GPC5: variants seen among roughly 807,000 people sequenced by gnomAD.
The protein encoded by GPC5 is glypican 5.
A neutral mutation model predicts 53.9 loss-of-function variants in GPC5; 47 were observed. That is an observed-to-expected ratio of 0.87 (90% CI 0.69 to 1.11). The LOEUF (loss-of-function observed/expected upper bound fraction) is 1.11, where lower values mean the gene tolerates loss of function less well. GPC5 is among the 50% of genes most tolerant of loss of function. The probability of loss-of-function intolerance (pLI) is 0.00; values close to 1 mark genes in which losing one functional copy is unlikely to be tolerated. For missense variants in GPC5, 748 were observed against 713.1 expected (o/e 1.05, Z -0.56); for synonymous variants, 286 against 263.3 (o/e 1.09, Z -0.84).
intron 7 of GPC5, among the ~76,000 whole-genome samples, chr13:92,640,151 T>C (rs1208419922): frequency 1.5e-4 from 22 of 146,816 alleles, no homozygotes; most frequent in Admixed American, 1.5e-3. Flanking sequence ...CACGTGTGTA[T>C]GTATGTGTAT....
At chr13:92,155,000 G>A (rs1384519555) in intron 7 of GPC5, among the ~76,000 whole-genome samples, 6 of 152,038 alleles carry the variant, frequency 3.9e-5, no homozygotes, top group African/African-American at 9.7e-5. Context: ...CCCATTCTAT[G>A]GTTATACTAG....
intron 7 of GPC5, among the ~76,000 whole-genome samples, chr13:92,705,782 A>T (rs1306548349): frequency 6.6e-6 from 1 of 152,098 alleles, no homozygotes; most frequent in Non-Finnish European, 1.5e-5. Context: ...GTGAGTTTGC[A>T]AGCTTTTAAA....
chr13:92,383,512 A>G (rs9301799), intron 7 of GPC5, among the ~76,000 whole-genome samples: 94,647 of 152,074 alleles, frequency 0.62, 29,887 homozygotes, highest in African/African-American at 0.71. Context: ...ACTAAAACAT[A>G]TTACGCTATG....
intron 5 of GPC5, among the ~76,000 whole-genome samples, chr13:91,872,153 A>G (rs1016115436): frequency 6.6e-6 from 1 of 152,170 alleles, no homozygotes; most frequent in African/African-American, 2.4e-5. Context: ...CCTCTTTTCC[A>G]GCTGTAAATG....
chr13:91,665,835 T>C (rs1465791115), intron 2 of GPC5, among the ~76,000 whole-genome samples: 2 of 152,136 alleles, frequency 1.3e-5, no homozygotes, highest in South Asian at 2.1e-4. Flanking sequence ...AGGTGTTAGA[T>C]ACCCACCCTT....
chr13:92,225,639 C>A (rs1408266414), intron 7 of GPC5, among the ~76,000 whole-genome samples: 2 of 152,072 alleles, frequency 1.3e-5, no homozygotes, highest in African/African-American at 4.8e-5. Context: ...TAAAAGGGAG[C>A]AAAGCTTACT....
intron 7 of GPC5, among the ~76,000 whole-genome samples, chr13:92,715,652 C>T (rs1393886866): frequency 6.6e-6 from 1 of 152,158 alleles, no homozygotes; most frequent in Non-Finnish European, 1.5e-5. Flanking sequence ...TAAATTTTCT[C>T]AACTCTGGAG....
chr13:91,410,339 C>CTTTTTTTTTTTTTTTTTTTTTTTTTT (rs66787310), intron 1 of GPC5, among the ~76,000 whole-genome samples: 2 of 89,838 alleles, frequency 2.2e-5, no homozygotes, highest in Non-Finnish European at 4.2e-5. Context: ...CGTTTCCATT[C>CTTTTTTTTTTTTTTTTTTTTTTTTTT]TTTTTTTTTT....
At position 92,206,183 on chromosome 13, in the gene GPC5, T is replaced by G. The variant is rs1474695096; in HGVS notation, c.1561+61194T>G. On this transcript the variant is annotated intron_variant, in intron 7 of 7. Coordinates refer to ENST00000377067, the MANE Select transcript of GPC5 (RefSeq NM_004466.6). Reference sequence around the variant, plus strand: ...TTTTTTTTTATTTTTTTTTTTTTTTTGAGACAGAGTCTCGGTCTGTCGCCC... The same window carrying G: ...TTTTTTTTTATTTTTTTTTTTTTTTGGAGACAGAGTCTCGGTCTGTCGCCC... 3.0e-5 allele frequency among the ~76,000 whole-genome samples: 4 copies of G among 135,380 alleles called. No homozygotes were observed. The South Asian group carries it at 9.6e-4, about 32-fold the overall frequency. 88.8% of individuals were successfully genotyped at this position (135,380 alleles called of 152,430 possible). A position where few individuals can be genotyped will look rare whatever the true frequency, so the allele number is the denominator to read the frequency against.
At chr13:91,700,894 A>T (rs1179921702) in intron 3 of GPC5, among the ~76,000 whole-genome samples, 2 of 152,320 alleles carry the variant, frequency 1.3e-5, no homozygotes, top group East Asian at 3.9e-4. Context: ...AATAATGCCT[A>T]GTGATTCTTT....
intron 7 of GPC5, among the ~76,000 whole-genome samples, chr13:92,260,706 T>A (rs948725657): frequency 6.6e-6 from 1 of 152,162 alleles, no homozygotes; most frequent in Non-Finnish European, 1.5e-5. Flanking sequence ...ATGGTTTTAG[T>A]CCCTTTCCTC....
intron 6 of GPC5, among the ~76,000 whole-genome samples, chr13:92,098,958 CTTTT>C (rs10633643): frequency 7.0e-6 from 1 of 143,144 alleles, no homozygotes; most frequent in East Asian, 2.0e-4. Context: ...TTGTTCTTGC[CTTTT>C]TTTTTTTTTG....
rs75015572 is a variant in GPC5 at position 92,230,706 on chromosome 13, A to C, written c.1561+85717A>C. ...ACAAATAATCAGAAATAGATTTAAA[A>C]ATTTACATAAATATATACTGCCAAT... On this transcript the variant is annotated intron_variant, in intron 7 of 7. Transcript: ENST00000377067. 8.3e-3 allele frequency among the ~76,000 whole-genome samples: 1,269 copies of C among 152,236 alleles called. 56 individuals carry two copies. Among genetic ancestry groups the C allele is most frequent in the Admixed American group, 0.06 (921 of 15,286 alleles).
chr13:92,372,156 G>A (rs1926604), intron 7 of GPC5, among the ~76,000 whole-genome samples: 80,876 of 151,956 alleles, frequency 0.53, 21,724 homozygotes, highest in East Asian at 0.6. Context: ...ACTCTAGGCA[G>A]AGCACCTAGC....
chr13:92,560,224 C>A, intron 7 of GPC5, among the ~76,000 whole-genome samples: 1 of 151,928 alleles, frequency 6.6e-6, no homozygotes, highest in Non-Finnish European at 1.5e-5. Flanking sequence ...ACTTTGATTA[C>A]AAAATAGTGA....
intron 5 of GPC5, among the ~76,000 whole-genome samples, chr13:91,773,109 T>TA (rs758026106): frequency 6.6e-6 from 1 of 152,144 alleles, no homozygotes. Flanking sequence ...ACCTTCTACA[T>TA]AATGAATTTT....
At chr13:91,853,534 A>T (rs1878397335) in intron 5 of GPC5, among the ~76,000 whole-genome samples, 1 of 152,008 alleles carries the variant, frequency 6.6e-6, no homozygotes, top group African/African-American at 2.4e-5. Flanking sequence ...CAGCTAAAGA[A>T]TTAACAGAGG....
chr13:91,405,724 C>T (rs1208063310), intron 1 of GPC5, among the ~76,000 whole-genome samples: 2 of 152,176 alleles, frequency 1.3e-5, no homozygotes, highest in African/African-American at 2.4e-5. Context: ...CAGGATCCTA[C>T]ACTCCAATGA....
At chr13:91,644,740 CT>C (rs960314367) in intron 2 of GPC5, among the ~76,000 whole-genome samples, 1 of 152,146 alleles carries the variant, frequency 6.6e-6, no homozygotes, top group African/African-American at 2.4e-5. Flanking sequence ...AGCAACTCTT[CT>C]GTATTTGTGA....
Sources: allele counts gnomAD v4.1 joint callset (sites outside exome capture counted in the v4.1 genomes callset), GRCh38; gene constraint gnomAD v4.1.1; transcripts MANE v1.5; gene names NCBI Gene and HGNC (gene_info 2026-07-23, HGNC 2026-07-21).